The following PTBP2 variants were observed in gnomAD, a reference collection of about 807,000 sequenced individuals.
PTBP2 encodes polypyrimidine tract binding protein 2, also known as polypyrimidine tract-binding protein 2.
PTBP2 carries 13 observed loss-of-function variants against 61.4 expected under a neutral mutation model. The observed-to-expected ratio is 0.21, with a 90% CI of 0.14 to 0.34. The LOEUF is 0.34. Among genes scored for constraint, PTBP2 ranks in the 10% least tolerant of loss-of-function variants. PTBP2 has a pLI of 1.00. For missense variants in PTBP2, 405 were observed against 642.6 expected, an observed-to-expected ratio of 0.63 and a Z score of 4.00; for synonymous variants, 215 against 218.5, an observed-to-expected ratio of 0.98 and a Z score of 0.14.
chr1:96,819,283 G>C (rs603231), downstream of PTBP2: 69,495 of 151,798 alleles, frequency 0.46, 17,175 homozygotes, highest in East Asian at 0.65. Context: ...GATATTCTCT[G>C]TGAGAGTTAG....
intron 8 of PTBP2, among the ~76,000 whole-genome samples, chr1:96,792,609 C>T (rs565235202): frequency 6.6e-6 from 1 of 151,832 alleles, no homozygotes; most frequent in South Asian, 2.1e-4. Flanking sequence ...TTTTTACATA[C>T]TAAGATATTT....
intron 8 of PTBP2, among the ~76,000 whole-genome samples, chr1:96,799,056 T>C (rs1349816096): frequency 6.6e-6 from 1 of 152,142 alleles, no homozygotes; most frequent in Non-Finnish European, 1.5e-5. Context: ...TCTTGTCATA[T>C]ACATGACTGG....
downstream of PTBP2, chr1:96,818,655 T>G (rs1218617239): frequency 1.3e-5 from 2 of 152,090 alleles, no homozygotes; most frequent in East Asian, 3.8e-4. Flanking sequence ...TGGACATAAG[T>G]TGGAGAAGCA....
chr1:96,753,919 TGAAGCAG>T, intron 3 of PTBP2, among the ~76,000 whole-genome samples: 1 of 152,108 alleles, frequency 6.6e-6, no homozygotes, highest in Non-Finnish European at 1.5e-5. Flanking sequence ...TAATGGACAA[TGAAGCAG>T]TCTGACATGT....
intron 2 of PTBP2, among the ~76,000 whole-genome samples, chr1:96,725,363 G>C (rs760202554): frequency 6.1e-5 from 9 of 147,764 alleles, no homozygotes; most frequent in African/African-American, 2.2e-4. Flanking sequence ...GCAGTGGCAC[G>C]ATCCTGGCTC....
intron 8 of PTBP2, among the ~76,000 whole-genome samples, chr1:96,803,670 CTT>C (rs1661240214): frequency 6.6e-6 from 1 of 152,038 alleles, no homozygotes; most frequent in South Asian, 2.1e-4. Context: ...AGATCAAAAA[CTT>C]GACTTAAAAG....
At chr1:96,789,129 A>T (rs1659515774) in intron 8 of PTBP2, among the ~76,000 whole-genome samples, 1 of 152,166 alleles carries the variant, frequency 6.6e-6, no homozygotes. Flanking sequence ...ATTTTTCATG[A>T]TCATGTTATC....
chr1:96,815,305 C>T (rs1165001141), downstream of PTBP2: 1 of 151,420 alleles, frequency 6.6e-6, no homozygotes, highest in Non-Finnish European at 1.5e-5. Flanking sequence ...AGATTTCTTA[C>T]TAATCTTAGA....
intron 5 of PTBP2, chr1:96,771,520 A>C (rs1481963871): frequency 1.3e-5 from 2 of 151,972 alleles, no homozygotes; most frequent in African/African-American, 4.8e-5. Flanking sequence ...CACTTTACAA[A>C]GTGACAAAAT....
intron 10 of PTBP2, 107 bp downstream of exon 10, chr1:96,806,559 T>G (rs533741831): frequency 1.6e-6 from 2 of 1,285,218 alleles, no homozygotes; most frequent in Non-Finnish European, 2.2e-6. Context: ...GTAAATCTTT[T>G]GCTATTTTTC....
intron 3 of PTBP2, among the ~76,000 whole-genome samples, chr1:96,757,032 G>GA (rs970511708): frequency 7.2e-5 from 11 of 152,282 alleles, no homozygotes; most frequent in Admixed American, 5.9e-4. Context: ...AGGAGGCAGG[G>GA]AAATCTCTCT....
intron 2 of PTBP2, among the ~76,000 whole-genome samples, chr1:96,746,544 T>A (rs571976358): frequency 6.6e-6 from 1 of 152,092 alleles, no homozygotes; most frequent in East Asian, 1.9e-4. Flanking sequence ...ATTTTGTAGT[T>A]TTAAAAAATT....
At chr1:96,759,896 C>T (rs547269598) in intron 3 of PTBP2, among the ~76,000 whole-genome samples, 117 of 152,210 alleles carry the variant, frequency 7.7e-4, no homozygotes, top group Non-Finnish European at 1.5e-3. Flanking sequence ...ACTGGGGAAG[C>T]CTCATAATCA....
At chr1:96,799,540 TC>T (rs1660768477) in intron 8 of PTBP2, among the ~76,000 whole-genome samples, 3 of 151,976 alleles carry the variant, frequency 2.0e-5, no homozygotes, top group Non-Finnish European at 4.4e-5. Context: ...TTGTGATAGA[TC>T]AAGTATTTTT....
chr1:96,779,586 A>G (rs970889001), intron 7 of PTBP2, among the ~76,000 whole-genome samples: 8 of 152,038 alleles, frequency 5.3e-5, no homozygotes, highest in Non-Finnish European at 8.8e-5. Context: ...GCATCCAACT[A>G]TGATATTGAT....
At chr1:96,761,250 C>T (rs1239957516) in intron 3 of PTBP2, among the ~76,000 whole-genome samples, 3 of 151,944 alleles carry the variant, frequency 2.0e-5, no homozygotes, top group African/African-American at 4.8e-5. Context: ...TCTGAGAACT[C>T]TGAATTTCCA....
intron 2 of PTBP2, among the ~76,000 whole-genome samples, chr1:96,748,186 A>G (rs1241484361): frequency 6.6e-6 from 1 of 152,052 alleles, no homozygotes; most frequent in African/African-American, 2.4e-5. Flanking sequence ...ACAGGAGAAA[A>G]TGTTTGGTTA....
At chr1:96,771,990 A>G (rs1359239507) in intron 5 of PTBP2, among the ~76,000 whole-genome samples, 1 of 152,078 alleles carries the variant, frequency 6.6e-6, no homozygotes, top group Non-Finnish European at 1.5e-5. Flanking sequence ...ATGTGGGGGA[A>G]TTTTTTTCCA....
chr1:96,820,266 T>G (rs186420471), exon 14 of PTBP2: 19 of 152,194 alleles, frequency 1.2e-4, no homozygotes, highest in African/African-American at 4.1e-4. Flanking sequence ...AAGATCATTT[T>G]GATGTCTCAG....
Sources: allele counts gnomAD v4.1 joint callset (sites outside exome capture counted in the v4.1 genomes callset), GRCh38; gene constraint gnomAD v4.1.1; transcripts MANE v1.5; gene names NCBI Gene and HGNC (gene_info 2026-07-23, HGNC 2026-07-21).